Variants in BICRA observed in about 807,000 individuals in gnomAD.
BICRA encodes the protein BRD4-interacting chromatin-remodeling complex-associated protein.
A neutral mutation model predicts 96.9 loss-of-function variants in BICRA; 31 were observed. The observed-to-expected ratio is 0.32, with a 90% CI of 0.24 to 0.43. BICRA has a LOEUF of 0.43. Ranked by LOEUF, BICRA falls within the 20% of genes least tolerant of loss-of-function variation. The probability of loss-of-function intolerance (pLI) is 1.00; values close to 1 mark genes in which losing one functional copy is unlikely to be tolerated. For missense variants in BICRA, 2,283 were observed against 2,190.3 expected, an observed-to-expected ratio of 1.04 and a Z score of -0.84; for synonymous variants, 1,350 against 1,071.8, an observed-to-expected ratio of 1.26 and a Z score of -5.07.
intron 7 of BICRA, among the ~76,000 whole-genome samples, chr19:47,687,915 A>G (rs2974243): frequency 0.45 from 68,078 of 151,718 alleles, 15,849 homozygotes; most frequent in East Asian, 0.66. Context: ...CCAGACGTAG[A>G]TGATAAGCTT....
chr19:47,658,746 C>G lies in BICRA; in HGVS notation c.-107-11697C>G, dbSNP rs570373792. On this transcript the variant is annotated intron_variant, in intron 1 of 14. Transcript: ENST00000594866. Reference sequence around the variant, plus strand: ...GGAACTCATTAGAAATGCAGAGTCTCAGGCCGCACCGGGACCTGCCGATTC... The same window carrying G: ...GGAACTCATTAGAAATGCAGAGTCTGAGGCCGCACCGGGACCTGCCGATTC... Among the ~76,000 whole-genome samples the G allele has an allele frequency of 1.2e-4, 19 of 152,058 alleles. No individual in the cohort carries two copies. In the South Asian group the frequency reaches 3.9e-3, roughly 32 times the overall value.
chr19:47,626,487 C>T (rs1418752496), intron 1 of BICRA: 1 of 152,082 alleles, frequency 6.6e-6, no homozygotes, highest in African/African-American at 2.4e-5. Context: ...CTCTCGATCT[C>T]CCAGGCTCAA....
In BICRA at chr19:47,701,221, G is replaced by T. The variant is rs932226249; in HGVS notation, c.3596-107G>T. 6.6e-6 allele frequency: 5 copies of T among 756,068 alleles called. No individual in the cohort carries two copies. The African/African-American group carries it at 8.7e-5, about 13-fold the overall frequency. 46.8% of individuals were successfully genotyped at this position (756,068 alleles called of 1,614,324 possible). On this transcript the variant is annotated intron_variant, in intron 14 of 14. Transcript: ENST00000594866. The surrounding 1 kb of genome is among the most constrained non-coding windows in gnomAD (Gnocchi z 5.4). Reference sequence around the variant, plus strand: ...TGAGGATTGGAGGGTCCAGGGTGCAGTCTGGTGCCTGGCAGGTAGTAGGTG... The same window carrying T: ...TGAGGATTGGAGGGTCCAGGGTGCATTCTGGTGCCTGGCAGGTAGTAGGTG...
intron 1 of BICRA, among the ~76,000 whole-genome samples, chr19:47,645,702 G>A (rs935153584): frequency 2.6e-5 from 4 of 152,218 alleles, no homozygotes; most frequent in African/African-American, 9.7e-5. Context: ...GTATGTTAAT[G>A]TTTGGGCATA....
At chr19:47,635,176 T>C (rs1357641194) in intron 1 of BICRA, among the ~76,000 whole-genome samples, 1 of 152,184 alleles carries the variant, frequency 6.6e-6, no homozygotes, top group Non-Finnish European at 1.5e-5. Flanking sequence ...TTGAACCATT[T>C]TTAAGTATAC....
rs958530040 is a variant in BICRA at position 47,682,117 on chromosome 19, C to G, written c.2248C>G (p.Pro750Ala). Residue 750 changes from proline (P) to alanine (A), a missense_variant, in exon 7 of 15, where the codon CCC (proline) becomes GCC (alanine). Pro to Ala is a conservative substitution (Grantham distance 27). Coordinates refer to ENST00000594866, the MANE Select transcript of BICRA (RefSeq NM_001394372.1). ...AGGAGCTGGCCTCGGCCCTCAGGCC[C>G]CCGACAGCCAGGCTTCCCCGGCTCC... is the stretch of plus-strand genomic sequence containing the variant. ...AKGAGLGPQAPDSQASPAPAP... is the reference protein window; with the variant it reads ...AKGAGLGPQAADSQASPAPAP... 2.6e-6 allele frequency: 4 copies of G among 1,514,862 alleles called. No individual in the cohort carries two copies. The highest frequency in any genetic ancestry group is 3.6e-6 in the Non-Finnish European group (4 of 1,118,278). 93.8% of individuals were successfully genotyped at this position (1,514,862 alleles called of 1,614,324 possible).
At chr19:47,624,213 C>A (rs568490873) in intron 1 of BICRA, among the ~76,000 whole-genome samples, 1 of 152,264 alleles carries the variant, frequency 6.6e-6, no homozygotes, top group South Asian at 2.1e-4. Context: ...TCTTTCTGAT[C>A]TGGCCTGGCT....
intron 7 of BICRA, 32 bp from the exon 8 acceptor site, chr19:47,694,083 G>GCCCCCCCCCCCCCCCC: frequency 1.8e-6 from 2 of 1,093,876 alleles, no homozygotes; most frequent in Non-Finnish European, 1.2e-6. Context: ...TCTGACCCCC[G>GCCCCCCCCCCCCCCCC]CCCCTCCCCT....
At chr19:47,644,221 G>A (rs1015851027) in intron 1 of BICRA, among the ~76,000 whole-genome samples, 1 of 151,398 alleles carries the variant, frequency 6.6e-6, no homozygotes, top group South Asian at 2.1e-4. Flanking sequence ...AGAGACTTAG[G>A]TGCCCAGGTT....
At chr19:47,690,626 T>G (rs578183349) in intron 7 of BICRA, among the ~76,000 whole-genome samples, 3 of 152,264 alleles carry the variant, frequency 2.0e-5, no homozygotes, top group African/African-American at 4.8e-5. Flanking sequence ...GCCTTTTGTC[T>G]TTCCTTTTCT....
At chr19:47,646,542 C>G (rs952924854) in intron 1 of BICRA, among the ~76,000 whole-genome samples, 1 of 152,180 alleles carries the variant, frequency 6.6e-6, no homozygotes, top group Non-Finnish European at 1.5e-5. Flanking sequence ...TTGAGAATAA[C>G]AGCTATTCCT....
At chr19:47,651,890 G>A (rs559200415) in intron 1 of BICRA, among the ~76,000 whole-genome samples, 9 of 152,328 alleles carry the variant, frequency 5.9e-5, no homozygotes, top group African/African-American at 2.2e-4. Context: ...CACAGATGGC[G>A]CCACTCCTGG....
intron 10 of BICRA, among the ~76,000 whole-genome samples, chr19:47,695,920 G>GT (rs1973333859): frequency 6.6e-6 from 1 of 152,052 alleles, no homozygotes; most frequent in African/African-American, 2.4e-5. Context: ...ACTTGTAGAT[G>GT]TAAGACGTGG....
chr19:47,631,178 C>T (rs1367671259), intron 1 of BICRA, among the ~76,000 whole-genome samples: 2 of 152,052 alleles, frequency 1.3e-5, no homozygotes, highest in Non-Finnish European at 2.9e-5. Context: ...ACCTCAGCCT[C>T]CTGATAGCTG....
chr19:47,609,973 G>T (rs1284519859), intron 1 of BICRA, among the ~76,000 whole-genome samples: 1 of 152,242 alleles, frequency 6.6e-6, no homozygotes, highest in African/African-American at 2.4e-5. Context: ...GGGGTGGGGG[G>T]GGTGAGCGCC....
At position 47,680,319 on chromosome 19, in the gene BICRA, G is replaced by T. The variant is rs754824482; in HGVS notation, c.1149G>T (p.Glu383Asp). 1 of 1,541,598 alleles carries T rather than the reference G, an allele frequency of 6.5e-7. No homozygotes were observed. Among genetic ancestry groups the T allele is most frequent in the Non-Finnish European group, 8.7e-7 (1 of 1,151,184 alleles). Residue 383 changes from glutamate (E) to aspartate (D), a missense_variant, in exon 6 of 15, where the codon GAG becomes GAT. Coordinates refer to ENST00000594866, the MANE Select transcript of BICRA (RefSeq NM_001394372.1). The part of the protein sequence containing the change: ...PAGATLTIQG[E>D]PGALPQQPKA... ...GCGCCACGCTCACCATCCAGGGCGAGCCGGGGGCGCTCCCGCAGCAGCCCA... is the reference window on the plus strand; with the variant it reads ...GCGCCACGCTCACCATCCAGGGCGATCCGGGGGCGCTCCCGCAGCAGCCCA...
At position 47,698,647 on chromosome 19, in the gene BICRA, T is replaced by C. The variant is rs769023779; in HGVS notation, c.3262T>C (p.Leu1088=). 1.9e-6 allele frequency: 3 copies of C among 1,561,818 alleles called. No homozygotes were observed. Among genetic ancestry groups the C allele is most frequent in the Non-Finnish European group, 8.8e-7 (1 of 1,132,942 alleles). ...PSKEACFLEH[L]HKHQGSVLHP... The stretch of plus-strand genomic sequence containing the variant: ...TTCCACCCGCAGTTTCCTGGAGCAT[T>C]TGCACAAACACCAGGGCTCCGTCCT... The change falls in exon 12 of 15, where the codon TTG becomes CTG. Residue 1088 remains leucine, a synonymous_variant. Transcript: ENST00000594866. This position sits in a 1 kb window ranked among gnomAD's most constrained non-coding sequence, Gnocchi z 4.8.
At position 47,660,590 on chromosome 19, in the gene BICRA, G is replaced by T. The variant is rs16972354; in HGVS notation, c.-107-9853G>T. Among the ~76,000 whole-genome samples, 497 of 152,290 alleles carry T rather than the reference G, an allele frequency of 3.3e-3. 3 individuals carry two copies. Among genetic ancestry groups the T allele is most frequent in the African/African-American group, 0.011 (474 of 41,550 alleles). On this transcript the variant is annotated intron_variant, in intron 1 of 14. Coordinates refer to ENST00000594866, the MANE Select transcript of BICRA (RefSeq NM_001394372.1). ...ACCAGGTGAACACATCACCTCATTT[G>T]TCTGTCTGACCAAGGTTCACGGGAA... is the stretch of plus-strand genomic sequence containing the variant.
chr19:47,691,918 C>T (rs566943313), intron 7 of BICRA, among the ~76,000 whole-genome samples: 23 of 151,506 alleles, frequency 1.5e-4, no homozygotes, highest in Non-Finnish European at 3.4e-4. Context: ...CATTCTCTTA[C>T]TTAACCATCA....
Sources: gnomAD v4.1 joint callset for allele counts (sites outside exome capture counted in the v4.1 genomes callset) on GRCh38, gnomAD v4.1.1 for gene constraint, Gnocchi (gnomAD v3.1) non-coding constraint, MANE v1.5 for transcripts, NCBI Gene and HGNC (gene_info 2026-07-23, HGNC 2026-07-21) for gene names.